SRRM1: variants seen among roughly 807,000 people sequenced by gnomAD.
SRRM1 encodes the protein serine/arginine repetitive matrix protein 1.
SRRM1 carries 19 observed loss-of-function variants against 110.2 expected under a neutral mutation model. The ratio of observed to expected loss-of-function variants is 0.17; its 90% CI spans 0.12 to 0.25. The LOEUF (loss-of-function observed/expected upper bound fraction) is 0.25. Among genes scored for constraint, SRRM1 ranks in the 10% least tolerant of loss-of-function variants. The probability of loss-of-function intolerance (pLI) is 1.00; values close to 1 mark genes in which losing one functional copy is unlikely to be tolerated. For synonymous variants in SRRM1, 443 were observed against 414.9 expected (o/e 1.07, Z -0.82); for missense variants, 918 against 1,145.8 (o/e 0.80, Z 2.87).
At chr1:24,669,934 A>G (rs910990787) in intron 14 of SRRM1, 186 bp from the exon 15 acceptor site, 1 of 608,528 alleles carries the variant, frequency 1.6e-6, no homozygotes, top group Non-Finnish European at 2.9e-6. Context: ...ATAGAGGATT[A>G]TGGGGCTTTA....
intron 13 of SRRM1, among the ~76,000 whole-genome samples, chr1:24,667,965 CTTTTTTTTTTTTT>C (rs1038405035): frequency 7.3e-5 from 5 of 68,528 alleles, no homozygotes; most frequent in East Asian, 4.9e-4. Flanking sequence ...TGCTGCCACT[CTTTTTTTTTTTTT>C]TTTTTTTTTT....
At chr1:24,653,393 A>G (rs535815008) in intron 8 of SRRM1, among the ~76,000 whole-genome samples, 3 of 152,186 alleles carry the variant, frequency 2.0e-5, no homozygotes, top group Non-Finnish European at 4.4e-5. Context: ...TCCTTTTACC[A>G]GTATTAAAGT....
intron 3 of SRRM1, 188 bp downstream of exon 3, chr1:24,646,977 A>G: frequency 2.3e-6 from 1 of 439,724 alleles, no homozygotes; most frequent in South Asian, 5.7e-5. Flanking sequence ...TTTGAAAGCT[A>G]CACAGGTGAA....
chr1:24,667,189 T>G (rs1460421459), intron 13 of SRRM1, among the ~76,000 whole-genome samples: 1 of 152,182 alleles, frequency 6.6e-6, no homozygotes, highest in African/African-American at 2.4e-5. Flanking sequence ...ATGAAAAGTC[T>G]AGAATACACA....
At chr1:24,670,339 C>T (rs753753427) in intron 15 of SRRM1, 24 bp downstream of exon 15, 2 of 1,579,152 alleles carry the variant, frequency 1.3e-6, no homozygotes, top group Non-Finnish European at 1.7e-6. Flanking sequence ...TTATTTTGGA[C>T]ACCCTTTTAT....
intron 1 of SRRM1, among the ~76,000 whole-genome samples, chr1:24,645,535 G>C (rs1656947979): frequency 6.6e-6 from 1 of 152,142 alleles, no homozygotes; most frequent in Non-Finnish European, 1.5e-5. Context: ...CACAGTCCTG[G>C]GATGTTCTTT....
chr1:24,643,430 G>T, intron 1 of SRRM1, 83 bp downstream of exon 1: 1 of 1,256,990 alleles, frequency 8.0e-7, no homozygotes. Context: ...GGCACAGGGT[G>T]GCCAGCGAGG....
chr1:24,670,577 G>A (rs1672209775), intron 15 of SRRM1, among the ~76,000 whole-genome samples: 1 of 152,212 alleles, frequency 6.6e-6, no homozygotes, highest in Non-Finnish European at 1.5e-5. Context: ...GCTCACAGCA[G>A]CCTTCCTGGA....
In SRRM1 at chr1:24,655,077, C is replaced by T; in HGVS notation, c.1263C>T (p.Asn421=). Residue 421 remains asparagine (N), a synonymous_variant, in exon 9 of 17, where the codon AAC becomes AAT. Coordinates refer to ENST00000323848, the MANE Select transcript of SRRM1 (RefSeq NM_005839.4). ...TRHSPTPQQS[N]RTRKSRVSVS... ...ATTCCCCTACACCCCAGCAGTCAAACCGTACAAGAAAAAGTCGTGTTTCTG... is the reference window on the plus strand; with the variant it reads ...ATTCCCCTACACCCCAGCAGTCAAATCGTACAAGAAAAAGTCGTGTTTCTG... 6.2e-7 allele frequency: 1 copy of T among 1,614,156 alleles called. No homozygotes were observed. Among genetic ancestry groups the T allele is most frequent in the Admixed American group, 1.7e-5 (1 of 60,024 alleles).
At position 24,670,278 on chromosome 1, in the gene SRRM1, A is replaced by C; in HGVS notation, c.2363A>C (p.Lys788Thr). ...TNWSPAVPVK[K>T]AKSPTPSPSP... ...TGGTCACCAGCTGTACCGGTCAAAAAGGCCAAAAGCCCAACACCGAGCCCA... is the reference window on the plus strand; with the variant it reads ...TGGTCACCAGCTGTACCGGTCAAAACGGCCAAAAGCCCAACACCGAGCCCA... Residue 788 changes from lysine to threonine, a missense_variant, in exon 15 of 17, where the codon AAG becomes ACG. Lys to Thr is a moderately conservative substitution (Grantham distance 78, BLOSUM62 -1). Transcript: ENST00000323848. 1 of 1,613,806 alleles carries C rather than the reference A, an allele frequency of 6.2e-7. No individual in the cohort carries two copies. The highest frequency in any genetic ancestry group is 8.5e-7 in the Non-Finnish European group (1 of 1,179,918).
chr1:24,643,811 G>A (rs1317156087), intron 1 of SRRM1: 1 of 161,794 alleles, frequency 6.2e-6, no homozygotes, highest in Non-Finnish European at 1.3e-5. Context: ...GGGAGAACAG[G>A]AAGAAGCATT....
intron 5 of SRRM1, among the ~76,000 whole-genome samples, chr1:24,650,306 T>A (rs1193644894): frequency 6.6e-6 from 1 of 152,256 alleles, no homozygotes; most frequent in Non-Finnish European, 1.5e-5. Context: ...TCATAAATTA[T>A]CCAACTCTAA....
chr1:24,659,676 G>T (rs56669662), intron 9 of SRRM1, among the ~76,000 whole-genome samples: 5,153 of 152,302 alleles, frequency 0.034, 133 homozygotes, highest in Middle Eastern at 0.11. Flanking sequence ...TGACTGAGGT[G>T]AAGTTGCTTC....
intron 4 of SRRM1, 23 bp from the exon 5 acceptor site, chr1:24,649,948 T>C (rs1342608526): frequency 6.5e-7 from 1 of 1,539,342 alleles, no homozygotes; most frequent in Non-Finnish European, 8.7e-7. Context: ...ACTATGTGTA[T>C]TTTGAAAACC....
rs184721545 is a variant in SRRM1, at chr1:24,654,001, T to C, written c.1041-854T>C. On this transcript the variant is annotated intron_variant, in intron 8 of 16. Coordinates refer to ENST00000323848, the MANE Select transcript of SRRM1 (RefSeq NM_005839.4). Reference sequence around the variant, plus strand: ...TCTTTGGGGAGGGGTTGTTAAGATATATTGAACTATTACTACTGTTGCAAA... The same window carrying C: ...TCTTTGGGGAGGGGTTGTTAAGATACATTGAACTATTACTACTGTTGCAAA... Among the ~76,000 whole-genome samples, 10 of 152,320 alleles carry C rather than the reference T, an allele frequency of 6.6e-5. No homozygotes were observed. The East Asian group carries it at 1.3e-3, about 21-fold the overall frequency.
intron 1 of SRRM1, 161 bp downstream of exon 1, chr1:24,643,508 C>T: frequency 1.8e-6 from 1 of 565,438 alleles, no homozygotes; most frequent in East Asian, 3.8e-5. Flanking sequence ...TGCGCTGCGG[C>T]GGAGACCGGT....
chr1:24,672,232 G>C lies in SRRM1; in HGVS notation c.2661G>C (p.Leu887=). Residue 887 remains leucine (L), a synonymous_variant, in exon 17 of 17, where the codon CTG becomes CTC. Transcript: ENST00000323848. The stretch of plus-strand genomic sequence containing the variant: ...ACCTTGATGATTTAGAAAAGCACCT[G>C]CGTGAAAAGGCCCTGAGATCAATGA... ...EDNLDDLEKH[L]REKALRSMRK... 6.2e-7 allele frequency: 1 copy of C among 1,611,060 alleles called. No individual in the cohort carries two copies. The highest frequency in any genetic ancestry group is 8.5e-7 in the Non-Finnish European group (1 of 1,178,500).
rs1670355910 is a variant in SRRM1, at chr1:24,667,033, A to G, written c.1739+108A>G. ...TCCTAACAAGGTTGGAGAGAGGCAC[A>G]GCTCATGTGTGCATGTGAAAACCCA... On this transcript the variant is annotated intron_variant, in intron 13 of 16. Transcript: ENST00000323848. 14 of 661,918 alleles carry G rather than the reference A, an allele frequency of 2.1e-5. No individual in the cohort carries two copies. In the South Asian group the frequency reaches 2.8e-4, roughly 13 times the overall value. 41.0% of individuals were successfully genotyped at this position (661,918 alleles called of 1,614,324 possible).
At chr1:24,650,917 A>G (rs1660297495) in intron 5 of SRRM1, among the ~76,000 whole-genome samples, 1 of 152,352 alleles carries the variant, frequency 6.6e-6, no homozygotes, top group East Asian at 1.9e-4. Context: ...TCCTCTCGCA[A>G]AAAAGCTATC....
Sources: gnomAD v4.1 joint callset for allele counts (sites outside exome capture counted in the v4.1 genomes callset) on GRCh38, gnomAD v4.1.1 for gene constraint, MANE v1.5 for transcripts, NCBI Gene and HGNC (gene_info 2026-07-23, HGNC 2026-07-21) for gene names.